Variants in CDKAL1 observed in about 807,000 individuals in gnomAD.
CDKAL1 encodes CDKAL1 threonylcarbamoyladenosine tRNA methylthiotransferase, also known as threonylcarbamoyladenosine tRNA methylthiotransferase.
A neutral mutation model predicts 68.2 loss-of-function variants in CDKAL1; 32 were observed. That is an observed-to-expected ratio of 0.47 (90% confidence interval 0.35 to 0.63). The LOEUF is 0.63. Among genes scored for constraint, CDKAL1 ranks in the 30% least tolerant of loss-of-function variants. CDKAL1 has a pLI of 0.00. For synonymous variants in CDKAL1, 234 were observed against 244.3 expected, an observed-to-expected ratio of 0.96 and a Z score of 0.39; for missense variants, 606 against 696.7, an observed-to-expected ratio of 0.87 and a Z score of 1.47.
intron 4 of CDKAL1, among the ~76,000 whole-genome samples, chr6:20,583,465 A>C (rs1481591300): frequency 6.6e-6 from 1 of 152,220 alleles, no homozygotes; most frequent in Non-Finnish European, 1.5e-5. Flanking sequence ...CTTGGCTTGC[A>C]GATGAAAACC....
intron 13 of CDKAL1, among the ~76,000 whole-genome samples, chr6:21,159,486 A>G (rs1297274364): frequency 2.6e-5 from 4 of 152,170 alleles, no homozygotes; most frequent in African/African-American, 7.2e-5. Context: ...ACTACTCTTC[A>G]TATACATCAC....
At chr6:21,229,009 G>C (rs538094862) in intron 15 of CDKAL1, among the ~76,000 whole-genome samples, 2 of 152,192 alleles carry the variant, frequency 1.3e-5, no homozygotes, top group Non-Finnish European at 2.9e-5. Flanking sequence ...CCAGCTGTGT[G>C]CCTCCTTACG....
At chr6:20,709,979 C>T (rs866087169) in intron 5 of CDKAL1, among the ~76,000 whole-genome samples, 15 of 152,068 alleles carry the variant, frequency 9.9e-5, no homozygotes, top group African/African-American at 3.6e-4. Context: ...GAGTAATCAT[C>T]GAGAGTGAAA....
chr6:21,106,940 C>CTTTTTTTT lies in CDKAL1; in HGVS notation c.1237-1449_1237-1442dup, dbSNP rs5874802. Among the ~76,000 whole-genome samples, 3 of 117,290 alleles carry CTTTTTTTT rather than the reference C, an allele frequency of 2.6e-5. 1 individual carries two copies. The highest frequency in any genetic ancestry group is 1.7e-5 in the Non-Finnish European group (1 of 59,642). The allele number at this position is 117,290 out of a possible 152,430, so 76.9% of individuals were successfully genotyped here. A position where few individuals can be genotyped will look rare whatever the true frequency, so the allele number is the denominator to read the frequency against. ...ATCACAGTGGATGAGGAGAAAGCCACTTTTTTTTTTTTTTTTTTTGAGATG... is the reference window on the plus strand; with the variant it reads ...ATCACAGTGGATGAGGAGAAAGCCACTTTTTTTTTTTTTTTTTTTTTTTTTTTGAGATG... On this transcript the variant is annotated intron_variant, in intron 12 of 15. Transcript: ENST00000274695.
At chr6:20,582,622 G>A (rs576268956) in intron 4 of CDKAL1, among the ~76,000 whole-genome samples, 27 of 152,112 alleles carry the variant, frequency 1.8e-4, no homozygotes, top group African/African-American at 6.0e-4. Flanking sequence ...TTACGTTGTG[G>A]TCACTGGAAA....
chr6:20,836,817 T>C (rs930007436), intron 8 of CDKAL1, among the ~76,000 whole-genome samples: 8 of 152,070 alleles, frequency 5.3e-5, no homozygotes, highest in African/African-American at 1.9e-4. Flanking sequence ...AAAAGAGGTG[T>C]AATGTGTATG....
intron 11 of CDKAL1, among the ~76,000 whole-genome samples, chr6:21,057,812 T>C (rs1314125286): frequency 6.6e-6 from 1 of 152,214 alleles, no homozygotes; most frequent in Non-Finnish European, 1.5e-5. Context: ...TTCCATGTAG[T>C]TGTGTGGCTT....
At chr6:20,744,003 A>C (rs1204816849) in intron 6 of CDKAL1, among the ~76,000 whole-genome samples, 1 of 152,246 alleles carries the variant, frequency 6.6e-6, no homozygotes, top group African/African-American at 2.4e-5. Context: ...GTATAGAATC[A>C]GGATCTTTTT....
chr6:20,629,655 A>C (rs1164826991), intron 4 of CDKAL1, among the ~76,000 whole-genome samples: 11 of 151,954 alleles, frequency 7.2e-5, no homozygotes, highest in Non-Finnish European at 2.9e-5. Flanking sequence ...TCTCCTGCCC[A>C]ATATGGATGC....
Position 20,715,703 on chromosome 6 carries a change from G to A in CDKAL1, c.372-23816G>A, listed in dbSNP as rs555261548. Among the ~76,000 whole-genome samples, 7 of 152,196 alleles carry A rather than the reference G, an allele frequency of 4.6e-5. No individual in the cohort carries two copies. The East Asian group carries it at 7.7e-4, about 17-fold the overall frequency. On this transcript the variant is annotated intron_variant, in intron 5 of 15. Coordinates refer to ENST00000274695, the MANE Select transcript of CDKAL1 (RefSeq NM_017774.3). ...TGCACAAGGGTTCTCTTTCCACCAC[G>A]CTTTCATCAATGCTTGTTATCTTTT...
intron 9 of CDKAL1, among the ~76,000 whole-genome samples, chr6:20,911,344 A>G (rs1762459543): frequency 6.6e-6 from 1 of 152,252 alleles, no homozygotes; most frequent in African/African-American, 2.4e-5. Context: ...GACAAGAAAG[A>G]TGCCCACCAG....
chr6:20,541,359 A>G (rs1446992926), intron 2 of CDKAL1, among the ~76,000 whole-genome samples: 1 of 152,148 alleles, frequency 6.6e-6, no homozygotes, highest in Admixed American at 6.6e-5. Flanking sequence ...AAATAATGTC[A>G]GTATGGTTCT....
intron 15 of CDKAL1, among the ~76,000 whole-genome samples, chr6:21,224,278 A>C (rs11964983): frequency 0.032 from 4,903 of 152,298 alleles, 201 homozygotes; most frequent in African/African-American, 0.096. Context: ...GTAAATCACA[A>C]AGGTCCTGAT....
At chr6:21,069,966 A>G (rs1387541481) in intron 12 of CDKAL1, among the ~76,000 whole-genome samples, 2 of 150,818 alleles carry the variant, frequency 1.3e-5, no homozygotes, top group African/African-American at 2.4e-5. Context: ...ATTTTTTTGT[A>G]TTTTTAGTAG....
intron 13 of CDKAL1, among the ~76,000 whole-genome samples, chr6:21,176,614 C>T (rs962437854): frequency 1.3e-5 from 2 of 150,404 alleles, no homozygotes; most frequent in African/African-American, 4.9e-5. Flanking sequence ...TTATAAAGCA[C>T]AAGGCAGCTT....
intron 13 of CDKAL1, among the ~76,000 whole-genome samples, chr6:21,110,444 G>A (rs1294914265): frequency 6.6e-6 from 1 of 152,172 alleles, no homozygotes; most frequent in Non-Finnish European, 1.5e-5. Context: ...TTAATAGAGG[G>A]TTGTGTTTAA....
At chr6:21,020,401 A>G (rs1031432195) in intron 11 of CDKAL1, among the ~76,000 whole-genome samples, 1 of 152,212 alleles carries the variant, frequency 6.6e-6, no homozygotes, top group African/African-American at 2.4e-5. Flanking sequence ...TTTGACAGAA[A>G]GGAACTCTGT....
At chr6:20,888,668 G>T (rs1474898117) in intron 9 of CDKAL1, among the ~76,000 whole-genome samples, 1 of 150,710 alleles carries the variant, frequency 6.6e-6, no homozygotes, top group East Asian at 2.0e-4. Context: ...ATGATTTCCA[G>T]TTTCATCCAT....
At chr6:21,035,518 A>G (rs1241708777) in intron 11 of CDKAL1, among the ~76,000 whole-genome samples, 1 of 152,126 alleles carries the variant, frequency 6.6e-6, no homozygotes, top group Non-Finnish European at 1.5e-5. Context: ...AGGGTCAGCA[A>G]GCTTGTGTGT....
Sources: gnomAD v4.1 joint callset for allele counts (sites outside exome capture counted in the v4.1 genomes callset) on GRCh38, gnomAD v4.1.1 for gene constraint, MANE v1.5 for transcripts, NCBI Gene and HGNC (gene_info 2026-07-23, HGNC 2026-07-21) for gene names.